PER3: variants seen among roughly 807,000 people sequenced by gnomAD.
PER3 encodes the protein period circadian protein homolog 3.
PER3 carries 107 observed loss-of-function variants against 127.2 expected under a neutral mutation model. The observed-to-expected ratio is 0.84, with a 90% CI of 0.72 to 0.99. The LOEUF (loss-of-function observed/expected upper bound fraction) is 0.99, where lower values mean the gene tolerates loss of function less well. PER3 is among the 50% of genes least tolerant of loss of function. PER3 has a pLI of 0.00. For synonymous variants in PER3, 618 were observed against 585.8 expected (o/e 1.05, Z -0.79); for missense variants, 1,560 against 1,525.8 (o/e 1.02, Z -0.37).
intron 10 of PER3, among the ~76,000 whole-genome samples, chr1:7,807,037 A>G (rs1040643800): frequency 3.9e-5 from 6 of 151,944 alleles, no homozygotes; most frequent in Non-Finnish European, 8.8e-5. Context: ...TCAATCAACC[A>G]TGTATTTGTT....
intron 6 of PER3, among the ~76,000 whole-genome samples, chr1:7,796,319 CTTTTT>C (rs71567315): frequency 1.2e-4 from 13 of 109,820 alleles, no homozygotes; most frequent in African/African-American, 4.2e-4. Flanking sequence ...TTTCAGTTTC[CTTTTT>C]TTTTTTTTTT....
At chr1:7,797,495 C>T (rs1265576888) in intron 6 of PER3, among the ~76,000 whole-genome samples, 5 of 152,040 alleles carry the variant, frequency 3.3e-5, no homozygotes, top group African/African-American at 9.6e-5. Flanking sequence ...ATCATCTGGG[C>T]GTGGTGGCAC....
chr1:7,812,444 G>A (rs1416059416), intron 13 of PER3, among the ~76,000 whole-genome samples: 3 of 151,794 alleles, frequency 2.0e-5, no homozygotes, highest in Admixed American at 1.3e-4. Context: ...GGCTAACATG[G>A]TGAAACCCCG....
intron 21 of PER3, among the ~76,000 whole-genome samples, chr1:7,839,818 C>T (rs1411615331): frequency 6.6e-6 from 1 of 152,110 alleles, no homozygotes; most frequent in Non-Finnish European, 1.5e-5. Context: ...TTATCTTTGT[C>T]TTTGACTGCA....
chr1:7,831,421 C>T (rs991988630), intron 19 of PER3, among the ~76,000 whole-genome samples: 1 of 151,570 alleles, frequency 6.6e-6, no homozygotes, highest in African/African-American at 2.4e-5. Context: ...TCTTTTTTTC[C>T]GTCTGTATGT....
At position 7,785,548 on chromosome 1, in the gene PER3, C is replaced by T. The variant is rs2097083796; in HGVS notation, c.236C>T (p.Ala79Val). 2 of 1,613,416 alleles carry T rather than the reference C, an allele frequency of 1.2e-6. No homozygotes were observed. The highest frequency in any genetic ancestry group is 2.7e-5 in the African/African-American group (2 of 74,896). The change falls in exon 3 of 22, where the codon GCC becomes GTC. Residue 79 changes from alanine (A) to valine (V), a missense_variant. Physicochemically the swap from Ala to Val is moderately conservative, Grantham distance 64 (BLOSUM62 0). Coordinates refer to ENST00000377532, the MANE Select transcript of PER3 (RefSeq NM_001377275.1). ...ERRNKPSTLD[A>V]LNYALRCVHS... ...CGCAATAAACCAAGCACTCTAGATG[C>T]CCTCAACTATGCTCTCCGCTGTGTC...
At position 7,827,588 on chromosome 1, in the gene PER3, A is replaced by C; in HGVS notation, c.2659A>C (p.Ile887Leu). 1 of 1,614,038 alleles carries C rather than the reference A, an allele frequency of 6.2e-7. No homozygotes were observed. The change falls in exon 18 of 22, where the codon ATA becomes CTA. Residue 887 changes from isoleucine to leucine, a missense_variant. This residue lies in a region of PER3 where 1,332 missense variants were observed against 1,223.6 expected (regional missense o/e 1.09). Transcript: ENST00000377532. ...CCTGGGGGCGACAGCCTCTTCTGCG[A>C]TATCACCCTCAATGTCGTCAGCAAT... is the stretch of plus-strand genomic sequence containing the variant. ...PFLGATASSA[I>L]SPSMSSAMSP...
rs1182240955 is a variant in PER3 at position 7,801,054 on chromosome 1, T to C, written c.794-59T>C. 5 of 962,020 alleles carry C rather than the reference T, an allele frequency of 5.2e-6. No homozygotes were observed. In the East Asian group the frequency reaches 9.6e-5, roughly 18 times the overall value. 59.6% of individuals were successfully genotyped at this position (962,020 alleles called of 1,614,324 possible). A position where few individuals can be genotyped will look rare whatever the true frequency, so the allele number is the denominator to read the frequency against. ...CTTTTTAATATGTTAAGTGGTTAGT[T>C]AGGTGGATAATTAATTAGATATTTG... On this transcript the variant is annotated intron_variant, in intron 7 of 21. Transcript: ENST00000377532.
At chr1:7,814,699 T>C (rs1309277354) in intron 13 of PER3, among the ~76,000 whole-genome samples, 4 of 152,170 alleles carry the variant, frequency 2.6e-5, no homozygotes, top group African/African-American at 9.7e-5. Flanking sequence ...ATTTTTAAAA[T>C]TAATCATAAA....
At chr1:7,799,453 A>T (rs2097160205) in intron 7 of PER3, among the ~76,000 whole-genome samples, 1 of 151,964 alleles carries the variant, frequency 6.6e-6, no homozygotes, top group South Asian at 2.1e-4. Flanking sequence ...AAATTACAAA[A>T]ATTAGCTGGG....
chr1:7,811,883 C>T (rs946112178), intron 13 of PER3, among the ~76,000 whole-genome samples: 5 of 152,168 alleles, frequency 3.3e-5, no homozygotes, highest in Non-Finnish European at 5.9e-5. Flanking sequence ...GGAAGTTGAG[C>T]ATTCCATTGG....
At chr1:7,839,568 T>G (rs1170193673) in intron 21 of PER3, among the ~76,000 whole-genome samples, 2 of 152,220 alleles carry the variant, frequency 1.3e-5, no homozygotes, top group African/African-American at 4.8e-5. Context: ...TGTTAGCATT[T>G]CTTGGATGGT....
At chr1:7,813,289 T>A (rs888641181) in intron 13 of PER3, among the ~76,000 whole-genome samples, 1 of 152,112 alleles carries the variant, frequency 6.6e-6, no homozygotes. Flanking sequence ...TGAGATTGCT[T>A]CCAGTTTCTG....
At chr1:7,832,798 T>C (rs1188091891) in intron 19 of PER3, among the ~76,000 whole-genome samples, 1 of 152,026 alleles carries the variant, frequency 6.6e-6, no homozygotes, top group Non-Finnish European at 1.5e-5. Context: ...AATATAAACA[T>C]TTAATGCTAT....
At chr1:7,786,080 C>T (rs2097088468) in intron 3 of PER3, among the ~76,000 whole-genome samples, 1 of 152,090 alleles carries the variant, frequency 6.6e-6, no homozygotes, top group Admixed American at 6.5e-5. Context: ...TACGGTGAAA[C>T]CCCGTCTCTA....
chr1:7,785,921 C>T (rs931877110), intron 3 of PER3, among the ~76,000 whole-genome samples: 59 of 152,110 alleles, frequency 3.9e-4, no homozygotes, highest in African/African-American at 1.3e-3. Context: ...AAATGCATTC[C>T]ACGAAATAGT....
At chr1:7,830,699 C>G (rs2097327565) in intron 19 of PER3, among the ~76,000 whole-genome samples, 1 of 152,204 alleles carries the variant, frequency 6.6e-6, no homozygotes, top group Non-Finnish European at 1.5e-5. Flanking sequence ...ATTGGGATAT[C>G]TAACTGTTCC....
In PER3 at chr1:7,826,020, T is replaced by C. The variant is rs2097299882; in HGVS notation, c.1958-460T>C. 1.3e-5 allele frequency among the ~76,000 whole-genome samples: 2 copies of C among 152,104 alleles called. No individual in the cohort carries two copies. The highest frequency in any genetic ancestry group is 4.8e-5 in the African/African-American group (2 of 41,398). Reference sequence around the variant, plus strand: ...GGGAGGCGGAGGTTGCAGTGAGCCATGACGGCGCCACTTCACTCCAGCGGA... The same window carrying C: ...GGGAGGCGGAGGTTGCAGTGAGCCACGACGGCGCCACTTCACTCCAGCGGA... On this transcript the variant is annotated intron_variant, in intron 16 of 21. Transcript: ENST00000377532. This position sits in a 1 kb window ranked among gnomAD's most constrained non-coding sequence, Gnocchi z 4.2.
At chr1:7,836,403 TC>T (rs1366802518) in intron 20 of PER3, among the ~76,000 whole-genome samples, 1 of 152,236 alleles carries the variant, frequency 6.6e-6, no homozygotes, top group African/African-American at 2.4e-5. Flanking sequence ...GATCTTGAAC[TC>T]CTGGCCTCAG....
Sources: gnomAD v4.1 joint callset for allele counts (sites outside exome capture counted in the v4.1 genomes callset) on GRCh38, gnomAD v4.1.1 for gene constraint, gnomAD v4.1.1 regional missense constraint, Gnocchi (gnomAD v3.1) non-coding constraint, MANE v1.5 for transcripts, NCBI Gene and HGNC (gene_info 2026-07-23, HGNC 2026-07-21) for gene names.